Variants in LRCH2 observed in about 807,000 individuals in gnomAD.
The protein encoded by LRCH2 is leucine-rich repeat and calponin homology domain-containing protein 2.
A neutral mutation model predicts 68.9 loss-of-function variants in LRCH2; 38 were observed. The ratio of observed to expected loss-of-function variants is 0.55; its 90% CI spans 0.43 to 0.72. The LOEUF is 0.72. Among genes scored for constraint, LRCH2 ranks in the 30% least tolerant of loss-of-function variants. LRCH2 has a pLI of 0.00. For synonymous variants in LRCH2, 191 were observed against 208.1 expected, an observed-to-expected ratio of 0.92 and a Z score of 0.71; for missense variants, 528 against 572.9, an observed-to-expected ratio of 0.92 and a Z score of 0.80.
intron 17 of LRCH2, among the ~76,000 whole-genome samples, chrX:115,123,707 T>C (rs2072162584): frequency 9.0e-6 from 1 of 111,028 alleles, no homozygotes; most frequent in African/African-American, 3.3e-5. Context: ...CACAGTAGAG[T>C]AGAAATAAGA....
chrX:115,156,615 C>T lies in LRCH2; in HGVS notation c.1516G>A (p.Glu506Lys), dbSNP rs2072476683. The change falls in exon 12 of 21, where the codon GAA (glutamate) becomes AAA (lysine). Residue 506 changes from glutamate to lysine, a missense_variant. Glu to Lys is a moderately conservative substitution (Grantham distance 56). Transcript: ENST00000317135. ...VMRNKPKQTVECEKSVSADEV... is the reference protein window; with the variant it reads ...VMRNKPKQTVKCEKSVSADEV... Reference sequence around the variant, plus strand: ...ATATTTTTATACCTCTTTTCACATTCCACAGTTTGTTTTGGCTTGTTTCTC... The same window carrying T: ...ATATTTTTATACCTCTTTTCACATTTCACAGTTTGTTTTGGCTTGTTTCTC... 2.6e-6 allele frequency: 3 copies of T among 1,138,544 alleles called. No individual in the cohort carries two copies. Among genetic ancestry groups the T allele is most frequent in the Non-Finnish European group, 3.5e-6 (3 of 856,448 alleles). 93.8% of individuals were successfully genotyped at this position (1,138,544 alleles called of 1,213,427 possible).
chrX:115,117,802 G>C (rs1431212311), intron 20 of LRCH2, among the ~76,000 whole-genome samples: 1 of 111,014 alleles, frequency 9.0e-6, no homozygotes, highest in Non-Finnish European at 1.9e-5. Flanking sequence ...GGATTGCAAA[G>C]ACACATGAGG....
At position 115,154,149 on chromosome X, in the gene LRCH2, CA is replaced by C. The variant is rs782471232; in HGVS notation, c.1529+2452del. On this transcript the variant is annotated intron_variant, in intron 12 of 20. Coordinates refer to ENST00000317135, the MANE Select transcript of LRCH2 (RefSeq NM_020871.4). ...TGGACTTCAGAGCAGAGAATATTAT[CA>C]AGAATATAAAGAAAAGTCATTTCAG... 6.3e-5 allele frequency among the ~76,000 whole-genome samples: 7 copies of C among 111,134 alleles called. No individual in the cohort carries two copies. The South Asian group carries it at 2.6e-3, about 42-fold the overall frequency.
chrX:115,208,875 C>A (rs2072987540), intron 1 of LRCH2, among the ~76,000 whole-genome samples: 1 of 111,832 alleles, frequency 8.9e-6, no homozygotes, highest in African/African-American at 3.2e-5. Context: ...ACACTTTTAT[C>A]TCTGGCCCTA....
At chrX:115,190,302 C>A in intron 1 of LRCH2, 2 of 1,151,731 alleles carry the variant, frequency 1.7e-6, no homozygotes, top group Non-Finnish European at 1.2e-6. Context: ...ACAGGGGTCG[C>A]GACCATGAGT....
At chrX:115,119,275 G>A (rs2072113472) in intron 20 of LRCH2, among the ~76,000 whole-genome samples, 1 of 108,947 alleles carries the variant, frequency 9.2e-6, no homozygotes, top group Non-Finnish European at 1.9e-5. Context: ...AAACCCCATT[G>A]TCTCAGCCCA....
rs782238281 is a variant in LRCH2 at position 115,191,944 on chromosome X, C to T, written c.350-3574G>A. On this transcript the variant is annotated intron_variant, in intron 1 of 20. Coordinates refer to ENST00000317135, the MANE Select transcript of LRCH2 (RefSeq NM_020871.4). Reference sequence around the variant, plus strand: ...CGATGCCAACAGCGGAGGCCACTCACCCAACGCCTACAGTGGGGGCCGTGA... The same window carrying T: ...CGATGCCAACAGCGGAGGCCACTCATCCAACGCCTACAGTGGGGGCCGTGA... The T allele has an allele frequency of 9.4e-5, 109 of 1,164,215 alleles. 1 individual carries two copies. The South Asian group carries it at 2.0e-3, about 22-fold the overall frequency.
chrX:115,190,711 G>A, intron 1 of LRCH2: 1 of 1,093,983 alleles, frequency 9.1e-7, no homozygotes, highest in Non-Finnish European at 1.2e-6. Context: ...AGGCCGCTAT[G>A]AGGAGTACCG....
At chrX:115,163,115 C>T (rs1445389902) in intron 11 of LRCH2, among the ~76,000 whole-genome samples, 1 of 111,355 alleles carries the variant, frequency 9.0e-6, no homozygotes, top group Non-Finnish European at 1.9e-5. Context: ...AGAAACAGAC[C>T]AAAGTGAGCC....
In LRCH2 at chrX:115,166,472, T is replaced by C. The variant is rs1026171125; in HGVS notation, c.999-130A>G. 3 of 443,080 alleles carry C rather than the reference T, an allele frequency of 6.8e-6. No homozygotes were observed. The Admixed American group carries it at 1.2e-4, about 18-fold the overall frequency. 36.5% of individuals were successfully genotyped at this position (443,080 alleles called of 1,213,427 possible). On this transcript the variant is annotated intron_variant, in intron 6 of 20. Coordinates refer to ENST00000317135, the MANE Select transcript of LRCH2 (RefSeq NM_020871.4). ...TGTCTAAGATCCTTAATTAGGGACA[T>C]GAGGAGAAAAATATCAGAACTCTTC...
At chrX:115,182,552 C>A (rs1171676844) in intron 3 of LRCH2, among the ~76,000 whole-genome samples, 9 of 111,571 alleles carry the variant, frequency 8.1e-5, no homozygotes, top group African/African-American at 2.9e-4. Flanking sequence ...GAGTTTGGTA[C>A]GCTGGGCGCG....
At chrX:115,139,771 C>T (rs2072320817) in intron 14 of LRCH2, among the ~76,000 whole-genome samples, 1 of 111,345 alleles carries the variant, frequency 9.0e-6, no homozygotes. Flanking sequence ...GTGCTGTGCT[C>T]AACAAGCACC....
chrX:115,158,644 T>A (rs2072493718), intron 11 of LRCH2, among the ~76,000 whole-genome samples: 1 of 111,746 alleles, frequency 8.9e-6, no homozygotes, highest in African/African-American at 3.2e-5. Context: ...AGCACATCTT[T>A]CCACAATAAA....
At chrX:115,218,214 C>A (rs1293388662) in intron 1 of LRCH2, among the ~76,000 whole-genome samples, 6 of 111,657 alleles carry the variant, frequency 5.4e-5, no homozygotes, top group African/African-American at 1.6e-4. Context: ...CCAAAAAAAA[C>A]CCCTAATATC....
At chrX:115,149,695 T>C (rs1408467827) in intron 14 of LRCH2, 132 bp downstream of exon 14, 2 of 416,703 alleles carry the variant, frequency 4.8e-6, no homozygotes, top group African/African-American at 5.0e-5. Context: ...ACCCCATATA[T>C]GTGAGAAATC....
intron 14 of LRCH2, among the ~76,000 whole-genome samples, chrX:115,148,152 TAA>T (rs782007646): frequency 5.3e-5 from 6 of 112,276 alleles, no homozygotes; most frequent in Non-Finnish European, 1.1e-4. Context: ...ACACAGTAGA[TAA>T]AGAGGCAGCC....
chrX:115,145,344 T>C (rs1448030114), intron 14 of LRCH2, among the ~76,000 whole-genome samples: 1 of 111,324 alleles, frequency 9.0e-6, no homozygotes, highest in Non-Finnish European at 1.9e-5. Context: ...ATAAAACTGC[T>C]ATAAGAAAAC....
chrX:115,189,820 C>T, intron 1 of LRCH2: 1 of 1,167,298 alleles, frequency 8.6e-7, no homozygotes. Context: ...TCAGGGCAGG[C>T]CTGATGACGG....
chrX:115,206,369 A>T (rs2072966859), intron 1 of LRCH2, among the ~76,000 whole-genome samples: 1 of 112,465 alleles, frequency 8.9e-6, no homozygotes, highest in Non-Finnish European at 1.9e-5. Context: ...CAGCACTGTG[A>T]CATGTTTGTG....
Sources: gnomAD v4.1 joint callset for allele counts (sites outside exome capture counted in the v4.1 genomes callset) on GRCh38, gnomAD v4.1.1 for gene constraint, MANE v1.5 for transcripts, NCBI Gene and HGNC (gene_info 2026-07-23, HGNC 2026-07-21) for gene names.